Variants in HDAC4 observed in about 807,000 individuals in gnomAD.
HDAC4 encodes histone deacetylase 4.
Under a neutral mutation model 135.1 loss-of-function variants are expected in HDAC4, and 16 were observed. The observed-to-expected ratio is 0.12, with a 90% CI of 0.08 to 0.18. The LOEUF is 0.18. Ranked by LOEUF, HDAC4 falls within the 10% of genes least tolerant of loss-of-function variation. The probability of loss-of-function intolerance (pLI) is 1.00; values close to 1 mark genes in which losing one functional copy is unlikely to be tolerated. For missense variants in HDAC4, 1,143 were observed against 1,511.8 expected (o/e 0.76, Z 4.05); for synonymous variants, 685 against 653.4 (o/e 1.05, Z -0.74).
At chr2:239,315,080 G>A (rs1479710058) in intron 2 of HDAC4, among the ~76,000 whole-genome samples, 1 of 152,178 alleles carries the variant, frequency 6.6e-6, no homozygotes, top group Non-Finnish European at 1.5e-5. Flanking sequence ...TCATAATCCA[G>A]ACATTCCTTT....
intron 2 of HDAC4, 93 bp from the exon 3 acceptor site, chr2:239,236,757 C>A (rs2047911073): frequency 5.8e-6 from 5 of 855,466 alleles, no homozygotes; most frequent in South Asian, 2.8e-5. Context: ...ACTCCCCAAA[C>A]AATGAAATGC....
rs1032108230 is a variant in HDAC4 at position 239,240,628 on chromosome 2, G to A, written c.23-3964C>T. Among the ~76,000 whole-genome samples, 1 of 152,148 alleles carries A rather than the reference G, an allele frequency of 6.6e-6. No individual in the cohort carries two copies. Among genetic ancestry groups the A allele is most frequent in the Non-Finnish European group, 1.5e-5 (1 of 68,012 alleles). On this transcript the variant is annotated intron_variant, in intron 2 of 26. Transcript: ENST00000543185. This position sits in a 1 kb window ranked among gnomAD's most constrained non-coding sequence, Gnocchi z 4.5. ...GAAACCCTGCTGGACAGGGACGATC[G>A]TACTGAGTGTCCTCAAACAGCATTT...
Position 239,193,764 on chromosome 2 carries a change from C to G in HDAC4, c.95-3687G>C, listed in dbSNP as rs1027194872. 8.5e-4 allele frequency among the ~76,000 whole-genome samples: 130 copies of G among 152,354 alleles called. 3 individuals carry two copies. Among genetic ancestry groups the G allele is most frequent in the Admixed American group, 8.5e-3 (130 of 15,304 alleles). ...GGGAAGGCGGGGCAGGCTCTGCACA[C>G]CCAAGGTTGGCTGGCCGAGTGGAAT... is the stretch of plus-strand genomic sequence containing the variant. On this transcript the variant is annotated intron_variant, in intron 3 of 26. Coordinates refer to ENST00000543185, the MANE Select transcript of HDAC4 (RefSeq NM_001378414.1).
chr2:239,087,495 A>G, intron 19 of HDAC4, 64 bp downstream of exon 19: 1 of 1,499,536 alleles, frequency 6.7e-7, no homozygotes, highest in Non-Finnish European at 9.2e-7. Flanking sequence ...ACACCCACCC[A>G]GCCCTAAGGG....
At chr2:239,263,053 C>G (rs1300910309) in intron 2 of HDAC4, among the ~76,000 whole-genome samples, 1 of 152,160 alleles carries the variant, frequency 6.6e-6, no homozygotes, top group South Asian at 2.1e-4. Flanking sequence ...CCCAAACACT[C>G]GGGACCAAGA....
intron 18 of HDAC4, among the ~76,000 whole-genome samples, chr2:239,088,034 G>A (rs950117425): frequency 6.6e-6 from 1 of 152,208 alleles, no homozygotes; most frequent in Non-Finnish European, 1.5e-5. Flanking sequence ...TCAAGGACTT[G>A]GCCGCGGGGC....
chr2:239,219,446 A>C (rs1189935370), intron 3 of HDAC4, among the ~76,000 whole-genome samples: 1 of 150,652 alleles, frequency 6.6e-6, no homozygotes, highest in Non-Finnish European at 1.5e-5. Context: ...AGGAAGGGGA[A>C]CATCACACAC....
chr2:239,268,111 AT>A lies in HDAC4; in HGVS notation c.23-31448del, dbSNP rs551510120. 3.9e-5 allele frequency among the ~76,000 whole-genome samples: 6 copies of A among 152,272 alleles called. No homozygotes were observed. In the South Asian group the frequency reaches 1.2e-3, roughly 32 times the overall value. ...AGGGGTTTAAATTCACTTGGTTGTA[AT>A]TTTTTTTATTTGCTCAATTCATCCC... On this transcript the variant is annotated intron_variant, in intron 2 of 26. Coordinates refer to ENST00000543185, the MANE Select transcript of HDAC4 (RefSeq NM_001378414.1).
At position 239,152,194 on chromosome 2, in the gene HDAC4, G is replaced by A. The variant is rs114737292; in HGVS notation, c.733+4458C>T. On this transcript the variant is annotated intron_variant, in intron 7 of 26. Transcript: ENST00000543185. ...AGTGGAAAAGCCTCCATTCCTCAGCGTGAACATGGACTCAAAGGCTCTGTT... is the reference window on the plus strand; with the variant it reads ...AGTGGAAAAGCCTCCATTCCTCAGCATGAACATGGACTCAAAGGCTCTGTT... Among the ~76,000 whole-genome samples, 88 of 152,308 alleles carry A rather than the reference G, an allele frequency of 5.8e-4. 1 individual carries two copies. The highest frequency in any genetic ancestry group is 1.0e-3 in the Non-Finnish European group (69 of 68,014).
rs1360297653 is a variant in HDAC4, at chr2:239,134,633, G to A, written c.989C>T (p.Ala330Val). The stretch of plus-strand genomic sequence containing the variant: ...GCCTTCTCGTGCCACAAGTCTGTGC[G>A]CCAAACTCGTCTGGGGACAGAACAC... Reference protein sequence around the residue: ...VPSIPAETSLAHRLVAREGSA... With the variant: ...VPSIPAETSLVHRLVAREGSA... The change falls in exon 10 of 27, where the codon GCG becomes GTG. Residue 330 changes from alanine to valine, a missense_variant. Coordinates refer to ENST00000543185, the MANE Select transcript of HDAC4 (RefSeq NM_001378414.1). 3.1e-6 allele frequency: 5 copies of A among 1,613,108 alleles called. No individual in the cohort carries two copies. Among genetic ancestry groups the A allele is most frequent in the Non-Finnish European group, 4.2e-6 (5 of 1,179,158 alleles).
intron 16 of HDAC4, among the ~76,000 whole-genome samples, chr2:239,096,370 A>ACCT (rs2037042691): frequency 2.5e-5 from 2 of 80,558 alleles, no homozygotes; most frequent in African/African-American, 1.2e-4. Flanking sequence ...GATGCCTGCA[A>ACCT]CCCCCCCCGA....
chr2:239,371,134 C>A (rs146427073), intron 1 of HDAC4, among the ~76,000 whole-genome samples: 2 of 152,236 alleles, frequency 1.3e-5, no homozygotes, highest in Non-Finnish European at 2.9e-5. Context: ...AGGAACCCTG[C>A]GCCTCAGGCC....
At chr2:239,073,692 G>A (rs931630835) in intron 22 of HDAC4, among the ~76,000 whole-genome samples, 1 of 152,262 alleles carries the variant, frequency 6.6e-6, no homozygotes, top group African/African-American at 2.4e-5. Flanking sequence ...TGGCGATTTC[G>A]CAAACATGGT....
chr2:239,372,641 C>T (rs528765381), intron 1 of HDAC4, among the ~76,000 whole-genome samples: 6 of 152,374 alleles, frequency 3.9e-5, no homozygotes, highest in African/African-American at 9.6e-5. Context: ...CGCGGCAACA[C>T]GCACAAGCAA....
chr2:239,379,603 C>T (rs1214446594), intron 1 of HDAC4, among the ~76,000 whole-genome samples: 1 of 152,136 alleles, frequency 6.6e-6, no homozygotes, highest in East Asian at 1.9e-4. Flanking sequence ...CCTGGCAGGG[C>T]CTCCCTAGCG....
chr2:239,217,851 G>C (rs1301329261), intron 3 of HDAC4, among the ~76,000 whole-genome samples: 3 of 152,224 alleles, frequency 2.0e-5, no homozygotes, highest in African/African-American at 7.2e-5. Context: ...TGCTTTGGGA[G>C]GCTAAGGCGG....
At chr2:239,351,753 T>C (rs1229163654) in intron 2 of HDAC4, 1 of 154,372 alleles carries the variant, frequency 6.5e-6, no homozygotes, top group Non-Finnish European at 1.5e-5. Context: ...CTGCCTCTGC[T>C]CTAAGGAGCA....
At chr2:239,072,001 C>T (rs2034250936) in intron 22 of HDAC4, among the ~76,000 whole-genome samples, 3 of 152,194 alleles carry the variant, frequency 2.0e-5, no homozygotes, top group African/African-American at 7.2e-5. Flanking sequence ...CACCATTGCA[C>T]ATTCCTTCTT....
intron 1 of HDAC4, among the ~76,000 whole-genome samples, chr2:239,364,251 T>C (rs893623515): frequency 1.3e-5 from 2 of 152,184 alleles, no homozygotes; most frequent in South Asian, 2.1e-4. Context: ...CAGCATTATC[T>C]GTAACAGTCA....
Sources: gnomAD v4.1 joint callset for allele counts (sites outside exome capture counted in the v4.1 genomes callset) on GRCh38, gnomAD v4.1.1 for gene constraint, Gnocchi (gnomAD v3.1) non-coding constraint, MANE v1.5 for transcripts, NCBI Gene and HGNC (gene_info 2026-07-23, HGNC 2026-07-21) for gene names.